Variants in U2SURP observed in about 807,000 individuals in gnomAD.
The protein encoded by U2SURP is U2 snRNP-associated SURP motif-containing protein.
U2SURP carries 9 observed loss-of-function variants against 144.9 expected under a neutral mutation model. That is an observed-to-expected ratio of 0.06 (90% CI 0.04 to 0.11). The LOEUF (loss-of-function observed/expected upper bound fraction) is 0.11. Ranked by LOEUF, U2SURP falls within the 10% of genes least tolerant of loss-of-function variation. U2SURP has a pLI of 1.00. For missense variants in U2SURP, 724 were observed against 1,226.7 expected (o/e 0.59, Z 6.12); for synonymous variants, 408 against 396.8 (o/e 1.03, Z -0.33).
At chr3:143,033,592 T>A (rs1490816508) in intron 18 of U2SURP, among the ~76,000 whole-genome samples, 3 of 152,216 alleles carry the variant, frequency 2.0e-5, no homozygotes, top group Non-Finnish European at 4.4e-5. Context: ...CAATATAGTA[T>A]GAAAACTCTA....
chr3:143,001,971 C>T (rs1389418132), intron 1 of U2SURP, among the ~76,000 whole-genome samples: 3 of 152,232 alleles, frequency 2.0e-5, no homozygotes, highest in Admixed American at 6.5e-5. Context: ...GCAGTGAAAA[C>T]GCTCTCCTGT....
intron 24 of U2SURP, among the ~76,000 whole-genome samples, chr3:143,047,888 C>T (rs1031994707): frequency 6.6e-6 from 1 of 150,902 alleles, no homozygotes; most frequent in African/African-American, 2.4e-5. Flanking sequence ...GCTGACCCCC[C>T]CCAACCTCCC....
At position 143,028,364 on chromosome 3, in the gene U2SURP, A is replaced by G. The variant is rs1269259629; in HGVS notation, c.1404A>G (p.Pro468=). Residue 468 remains proline, a synonymous_variant, in exon 15 of 28, where the codon CCA becomes CCG. Transcript: ENST00000473835. ...MFRFLFENQT[P]AHVYYRWKLY... ...GGTTCTTATTTGAAAACCAGACACCAGCCCATGTTTACTATAGGTGGAAGC... is the reference window on the plus strand; with the variant it reads ...GGTTCTTATTTGAAAACCAGACACCGGCCCATGTTTACTATAGGTGGAAGC... 1.9e-6 allele frequency: 3 copies of G among 1,612,738 alleles called. No individual in the cohort carries two copies. The highest frequency in any genetic ancestry group is 2.5e-6 in the Non-Finnish European group (3 of 1,179,360).
In U2SURP at chr3:143,021,354, C is replaced by T. The variant is rs371988575; in HGVS notation, c.738C>T (p.Asp246=). 1.5e-5 allele frequency: 24 copies of T among 1,595,250 alleles called. No homozygotes were observed. Among genetic ancestry groups the T allele is most frequent in the African/African-American group, 1.3e-4 (10 of 74,712 alleles). Reference sequence around the variant, plus strand: ...TCTTCTTTTCTCCCCTTTAAGTGGACGCGCCTTCAAGAAGAAATAGATCAT... The same window carrying T: ...TCTTCTTTTCTCCCCTTTAAGTGGATGCGCCTTCAAGAAGAAATAGATCAT... The part of the protein sequence containing the change: ...SDSDGQRRSM[D]APSRRNRSSG... The change falls in exon 9 of 28, where the codon GAC becomes GAT. Residue 246 remains aspartate, a synonymous_variant. Transcript: ENST00000473835.
intron 25 of U2SURP, among the ~76,000 whole-genome samples, chr3:143,051,617 A>AG (rs1553847101): frequency 1.7e-4 from 26 of 149,430 alleles, no homozygotes; most frequent in African/African-American, 6.2e-4. Context: ...AAAAAAAAAA[A>AG]AAAAGAAAAA....
At chr3:143,041,168 C>T (rs1376849646) in intron 23 of U2SURP, among the ~76,000 whole-genome samples, 3 of 151,806 alleles carry the variant, frequency 2.0e-5, no homozygotes, top group East Asian at 1.9e-4. Flanking sequence ...AACAAAGTCA[C>T]GTCCTTATTG....
rs530546945 is a variant in U2SURP, at chr3:143,033,030, G to A, written c.1773+84G>A. 6 of 1,440,664 alleles carry A rather than the reference G, an allele frequency of 4.2e-6. No homozygotes were observed. The Admixed American group carries it at 6.5e-5, about 16-fold the overall frequency. 89.2% of individuals were successfully genotyped at this position (1,440,664 alleles called of 1,614,324 possible). A position where few individuals can be genotyped will look rare whatever the true frequency, so the allele number is the denominator to read the frequency against. On this transcript the variant is annotated intron_variant, in intron 17 of 27. Coordinates refer to ENST00000473835, the MANE Select transcript of U2SURP (RefSeq NM_001080415.2). ...GGTTTCCTTTTTGCACAAAGCACTT[G>A]ACTGATGAGATTTTTCCCATGCAGT...
chr3:143,024,995 T>G (rs751910628), intron 13 of U2SURP, among the ~76,000 whole-genome samples: 1 of 152,162 alleles, frequency 6.6e-6, no homozygotes, highest in Non-Finnish European at 1.5e-5. Flanking sequence ...CACTGTTTTA[T>G]TCTAATAGAA....
In U2SURP at chr3:143,056,300, T is replaced by A. The variant is rs1336205525; in HGVS notation, c.2952-12T>A. 6.3e-7 allele frequency: 1 copy of A among 1,590,026 alleles called. No homozygotes were observed. Among genetic ancestry groups the A allele is most frequent in the Non-Finnish European group, 8.6e-7 (1 of 1,167,762 alleles). ...ACTTTATCAATTGGGATTTTTTTGT[T>A]TGTTTCCTTAGATCACCATCTGGTT... On this transcript the variant is annotated splice_polypyrimidine_tract_variant and intron_variant, in intron 27 of 27. Transcript: ENST00000473835.
chr3:143,030,982 T>A (rs1176973194), intron 16 of U2SURP, among the ~76,000 whole-genome samples: 2 of 152,202 alleles, frequency 1.3e-5, no homozygotes, highest in Non-Finnish European at 2.9e-5. Flanking sequence ...CCCTCATAGA[T>A]GACTTTGAGG....
intron 23 of U2SURP, among the ~76,000 whole-genome samples, chr3:143,040,066 A>G (rs767671429): frequency 1.3e-5 from 2 of 151,950 alleles, no homozygotes; most frequent in African/African-American, 2.4e-5. Context: ...TATGATTAGT[A>G]ACATCTTACC....
intron 1 of U2SURP, among the ~76,000 whole-genome samples, chr3:143,004,359 T>G (rs1355808023): frequency 1.7e-5 from 1 of 60,580 alleles, no homozygotes; most frequent in South Asian, 5.0e-4. Flanking sequence ...GGGTGTTTTT[T>G]TTTTTTTTTT....
At position 143,021,355 on chromosome 3, in the gene U2SURP, G is replaced by A. The variant is rs201384657; in HGVS notation, c.739G>A (p.Ala247Thr). The change falls in exon 9 of 28, where the codon GCG becomes ACG. Residue 247 changes from alanine (A) to threonine (T), a missense_variant. Around this residue, in one of 13 missense-constraint regions of U2SURP, gnomAD observed 115 missense variants for 258.1 expected, o/e 0.45. Transcript: ENST00000473835. ...CTTCTTTTCTCCCCTTTAAGTGGAC[G>A]CGCCTTCAAGAAGAAATAGATCATC... is the stretch of plus-strand genomic sequence containing the variant. ...DSDGQRRSMD[A>T]PSRRNRSSGV... The A allele has an allele frequency of 2.3e-5, 36 of 1,595,782 alleles. No homozygotes were observed. The highest frequency in any genetic ancestry group is 7.0e-5 in the Admixed American group (4 of 57,402).
At chr3:143,011,693 T>G (rs1402612136) in intron 2 of U2SURP, among the ~76,000 whole-genome samples, 1 of 152,138 alleles carries the variant, frequency 6.6e-6, no homozygotes, top group Non-Finnish European at 1.5e-5. Flanking sequence ...TGCTTGATGA[T>G]GCAGTAAAAG....
At chr3:143,048,797 ACTGT>A (rs1453747115) in intron 24 of U2SURP, among the ~76,000 whole-genome samples, 1 of 151,300 alleles carries the variant, frequency 6.6e-6, no homozygotes, top group Non-Finnish European at 1.5e-5. Flanking sequence ...AACCTGGGAG[ACTGT>A]CTGGGAGGCG....
At chr3:143,037,026 T>C in intron 20 of U2SURP, 153 bp from the exon 21 acceptor site, 1 of 720,056 alleles carries the variant, frequency 1.4e-6, no homozygotes, top group Non-Finnish European at 2.2e-6. Context: ...GACTGCTTCT[T>C]TAGCAAACTG....
In U2SURP at chr3:143,059,255, G is replaced by T. The variant is rs1160936999; in HGVS notation, c.*2805G>T. 1 of 152,290 alleles carries T rather than the reference G, an allele frequency of 6.6e-6. No individual in the cohort carries two copies. The highest frequency in any genetic ancestry group is 1.5e-5 in the Non-Finnish European group (1 of 67,806). The allele number at this position is 152,290 out of a possible 1,614,324, so 9.4% of individuals were successfully genotyped here. On this transcript the variant is annotated 3_prime_UTR_variant, in exon 28 of 28. Coordinates refer to ENST00000473835, the MANE Select transcript of U2SURP (RefSeq NM_001080415.2). ...CTTTTATTTGGCTCAGAATGTTTTT[G>T]GCTTTTCTGCTAAAGATGGCAGAAA...
chr3:143,012,519 G>T, intron 3 of U2SURP, 166 bp downstream of exon 3: 2 of 542,284 alleles, frequency 3.7e-6, no homozygotes, highest in Non-Finnish European at 5.7e-6. Flanking sequence ...ACTCATTTAT[G>T]TAGGGACATC....
At chr3:143,038,060 G>T in intron 21 of U2SURP, 48 bp from the exon 22 acceptor site, 2 of 1,371,418 alleles carry the variant, frequency 1.5e-6, no homozygotes, top group East Asian at 2.4e-5. Flanking sequence ...GTAATACTTC[G>T]GGTCATCCAC....
Sources: gnomAD v4.1 joint callset for allele counts (sites outside exome capture counted in the v4.1 genomes callset) on GRCh38, gnomAD v4.1.1 for gene constraint, gnomAD v4.1.1 regional missense constraint, MANE v1.5 for transcripts, NCBI Gene and HGNC (gene_info 2026-07-23, HGNC 2026-07-21) for gene names.